Variants in RNF130 observed in about 807,000 individuals in gnomAD.
RNF130 encodes ring finger protein 130, also known as E3 ubiquitin-protein ligase RNF130.
Under a neutral mutation model 44.6 loss-of-function variants are expected in RNF130, and 21 were observed. The observed-to-expected ratio is 0.47, with a 90% CI of 0.33 to 0.68. The LOEUF (loss-of-function observed/expected upper bound fraction) is 0.68. Ranked by LOEUF, RNF130 falls within the 30% of genes least tolerant of loss-of-function variation. The pLI, the probability that RNF130 is intolerant of heterozygous loss-of-function variation, is 0.02. For synonymous variants in RNF130, 214 were observed against 210.4 expected (o/e 1.02, Z -0.15); for missense variants, 479 against 560.6 (o/e 0.85, Z 1.47).
At chr5:179,993,035 C>T (rs1202938422) in intron 3 of RNF130, among the ~76,000 whole-genome samples, 1 of 152,292 alleles carries the variant, frequency 6.6e-6, no homozygotes. Context: ...TCATCCATGT[C>T]CCTAAAAAGG....
Position 180,060,172 on chromosome 5 carries a change from G to C in RNF130, c.247+11284C>G, listed in dbSNP as rs188498642. On this transcript the variant is annotated intron_variant, in intron 1 of 8. Coordinates refer to ENST00000521389, the MANE Select transcript of RNF130 (RefSeq NM_018434.6). ...GCCACGCAGTCTTGCCAACACCTTG[G>C]TCTCACTGAGGCCAGTAAAACTCAT... is the stretch of plus-strand genomic sequence containing the variant. Among the ~76,000 whole-genome samples the C allele has an allele frequency of 5.6e-3, 854 of 152,262 alleles. 6 individuals are homozygous for C. The highest frequency in any genetic ancestry group is 6.9e-3 in the Non-Finnish European group (468 of 68,030).
At chr5:179,922,457 C>T (rs901529505) in intron 7 of RNF130, among the ~76,000 whole-genome samples, 21 of 152,090 alleles carry the variant, frequency 1.4e-4, no homozygotes, top group African/African-American at 2.9e-4. Flanking sequence ...AGATTACAGG[C>T]GTGGGCCACA....
At chr5:180,034,112 T>C (rs972525318) in intron 2 of RNF130, among the ~76,000 whole-genome samples, 8 of 151,158 alleles carry the variant, frequency 5.3e-5, no homozygotes, top group African/African-American at 1.9e-4. Flanking sequence ...TTTTAAATCA[T>C]GATGGGTACT....
At chr5:180,023,827 A>G (rs1763928285) in intron 2 of RNF130, among the ~76,000 whole-genome samples, 1 of 152,260 alleles carries the variant, frequency 6.6e-6, no homozygotes, top group Non-Finnish European at 1.5e-5. Flanking sequence ...ATCCCCACTT[A>G]TTAAGTGTGG....
At chr5:179,978,077 C>T (rs908793142) in intron 5 of RNF130, 126 bp downstream of exon 5, 74 of 745,072 alleles carry the variant, frequency 9.9e-5, no homozygotes, top group South Asian at 1.9e-4. Flanking sequence ...CAATGCACAG[C>T]GGACTTGGCC....
At chr5:179,955,895 T>C in intron 8 of RNF130, 1 of 413,442 alleles carries the variant, frequency 2.4e-6, no homozygotes, top group Non-Finnish European at 4.4e-6. Context: ...CCCAAAAGGA[T>C]GAAGGAAAAG....
chr5:180,023,321 G>A (rs946581850), intron 2 of RNF130, among the ~76,000 whole-genome samples: 3 of 152,134 alleles, frequency 2.0e-5, no homozygotes, highest in African/African-American at 4.8e-5. Flanking sequence ...CAGGCATCTC[G>A]GCAGTAACAT....
chr5:180,052,800 CTG>C (rs1406338939), intron 1 of RNF130, among the ~76,000 whole-genome samples: 1 of 152,114 alleles, frequency 6.6e-6, no homozygotes, highest in African/African-American at 2.4e-5. Context: ...AAAAGAAAGA[CTG>C]AGAGAGATTG....
At chr5:179,966,292 G>C (rs368972253) in intron 7 of RNF130, among the ~76,000 whole-genome samples, 2 of 152,084 alleles carry the variant, frequency 1.3e-5, no homozygotes, top group South Asian at 2.1e-4. Context: ...ACACCAAAGA[G>C]TTAAGTGCCA....
intron 7 of RNF130, among the ~76,000 whole-genome samples, chr5:179,943,938 C>T (rs528895265): frequency 2.4e-4 from 36 of 151,996 alleles, no homozygotes; most frequent in Non-Finnish European, 4.9e-4. Flanking sequence ...TTACAAAGGT[C>T]CCATGTAACT....
chr5:179,929,330 G>A (rs542196552), intron 7 of RNF130, among the ~76,000 whole-genome samples: 79 of 152,264 alleles, frequency 5.2e-4, no homozygotes, highest in African/African-American at 1.8e-3. Flanking sequence ...TCCTTGCATC[G>A]ATACCTTACT....
At chr5:180,026,716 T>C (rs1763999330) in intron 2 of RNF130, among the ~76,000 whole-genome samples, 1 of 152,232 alleles carries the variant, frequency 6.6e-6, no homozygotes, top group African/African-American at 2.4e-5. Flanking sequence ...AATTTTAAAA[T>C]TAGGTATAAA....
chr5:179,978,242 CTCTCTATGCAG>C lies in RNF130; in HGVS notation c.798_808del (p.Cys267LeufsTer2). The C allele has an allele frequency of 2.5e-6, 4 of 1,614,114 alleles. No individual in the cohort carries two copies. The highest frequency in any genetic ancestry group is 3.4e-6 in the Non-Finnish European group (4 of 1,179,940). ...TCGGACGACATCATTCTGCTTATAG[CTCTCTATGCAG>C]ACTGCACAATGATCAAAGTCTGGGT... On this transcript the variant is annotated frameshift_variant, in exon 5 of 9. Coordinates refer to ENST00000521389, the MANE Select transcript of RNF130 (RefSeq NM_018434.6). LOFTEE classifies it high-confidence loss of function.
rs977061493 is a variant in RNF130 at position 179,987,172 on chromosome 5, A to AT, written c.694-6973dup. Among the ~76,000 whole-genome samples the AT allele has an allele frequency of 6.5e-4, 97 of 148,856 alleles. 1 individual carries two copies. The highest frequency in any genetic ancestry group is 3.5e-3 in the Middle Eastern group (1 of 288). ...TTTCCTTCCTTCCTTTCTTTCTTCT[A>AT]TTTTTTTTCTTAGAGACAGGGTCCC... is the stretch of plus-strand genomic sequence containing the variant. On this transcript the variant is annotated intron_variant, in intron 3 of 8. Transcript: ENST00000521389.
chr5:179,962,621 C>A (rs1455023718), intron 8 of RNF130, among the ~76,000 whole-genome samples: 1 of 151,892 alleles, frequency 6.6e-6, no homozygotes, highest in Non-Finnish European at 1.5e-5. Flanking sequence ...AAATTTAGAA[C>A]AAAACAAAAC....
intron 3 of RNF130, among the ~76,000 whole-genome samples, chr5:179,989,887 CTT>C (rs571560434): frequency 9.9e-5 from 15 of 152,214 alleles, no homozygotes; most frequent in Admixed American, 4.6e-4. Flanking sequence ...TTTTATGAGA[CTT>C]ATTAATTTTA....
rs754832777 is a variant in RNF130 at position 179,966,910 on chromosome 5, T to A, written c.1046A>T (p.Asp349Val). The change falls in exon 7 of 9, where the codon GAC becomes GTC. Residue 349 changes from aspartate (D) to valine (V), a missense_variant. Physicochemically the swap from Asp to Val is radical, Grantham distance 152. Coordinates refer to ENST00000521389, the MANE Select transcript of RNF130 (RefSeq NM_018434.6). ...RRSALGDLAG[D>V]NSLGLEPLRT... Reference sequence around the variant, plus strand: ...AAGTGGCTCAAGGCCAAGGGAGTTGTCGCCGGCGAGGTCGCCGAGGGCTGA... The same window carrying A: ...AAGTGGCTCAAGGCCAAGGGAGTTGACGCCGGCGAGGTCGCCGAGGGCTGA... The A allele has an allele frequency of 6.2e-6, 10 of 1,614,232 alleles. No homozygotes were observed. The South Asian group carries it at 1.1e-4, about 18-fold the overall frequency.
intron 3 of RNF130, among the ~76,000 whole-genome samples, chr5:179,997,979 C>G (rs1763242827): frequency 6.6e-6 from 1 of 151,678 alleles, no homozygotes. Flanking sequence ...GTAGCTGAGA[C>G]TACAGGTGCG....
At chr5:179,965,851 T>G (rs913596547) in intron 7 of RNF130, among the ~76,000 whole-genome samples, 2 of 152,330 alleles carry the variant, frequency 1.3e-5, no homozygotes, top group South Asian at 2.1e-4. Context: ...ATACTTTGAT[T>G]GAACAGACCA....
Sources: gnomAD v4.1 joint callset for allele counts (sites outside exome capture counted in the v4.1 genomes callset) on GRCh38, gnomAD v4.1.1 for gene constraint, MANE v1.5 for transcripts, NCBI Gene and HGNC (gene_info 2026-07-23, HGNC 2026-07-21) for gene names.